The following HIBADH variants were observed in gnomAD, a reference collection of about 807,000 sequenced individuals.
HIBADH encodes the protein 3-hydroxyisobutyrate dehydrogenase.
HIBADH carries 25 observed loss-of-function variants against 36.1 expected under a neutral mutation model. That is an observed-to-expected ratio of 0.69 (90% confidence interval 0.50 to 0.97). HIBADH has a LOEUF of 0.97. Among genes scored for constraint, HIBADH ranks in the 50% least tolerant of loss-of-function variants. The pLI is 0.00. For synonymous variants in HIBADH, 160 were observed against 149.5 expected (o/e 1.07, Z -0.51); for missense variants, 421 against 418.0 (o/e 1.01, Z -0.06).
chr7:27,572,049 G>A (rs1784635825), intron 4 of HIBADH, among the ~76,000 whole-genome samples: 1 of 152,046 alleles, frequency 6.6e-6, no homozygotes, highest in Non-Finnish European at 1.5e-5. Flanking sequence ...GGCTTTGTTG[G>A]GGCCTAAGGG....
chr7:27,638,293 G>A (rs1425350678), intron 2 of HIBADH, among the ~76,000 whole-genome samples: 2 of 77,166 alleles, frequency 2.6e-5, no homozygotes, highest in South Asian at 4.2e-4. Flanking sequence ...ATACCCATCT[G>A]ATCTTTGGCA....
intron 4 of HIBADH, among the ~76,000 whole-genome samples, chr7:27,600,726 A>C (rs1246569609): frequency 6.6e-6 from 1 of 152,170 alleles, no homozygotes; most frequent in Non-Finnish European, 1.5e-5. Flanking sequence ...ACTACTTCTA[A>C]AACAATCTGG....
intron 2 of HIBADH, among the ~76,000 whole-genome samples, chr7:27,644,121 A>AT (rs1211058690): frequency 2.0e-5 from 3 of 152,148 alleles, no homozygotes; most frequent in Non-Finnish European, 2.9e-5. Context: ...CCCTGTTAAC[A>AT]TATTCACAGA....
intron 4 of HIBADH, among the ~76,000 whole-genome samples, chr7:27,556,470 T>A (rs1312976144): frequency 6.6e-6 from 1 of 152,186 alleles, no homozygotes; most frequent in African/African-American, 2.4e-5. Context: ...TTTTTTATTA[T>A]TTGTCTTGCT....
chr7:27,527,147 G>A (rs1783915001), intron 7 of HIBADH, among the ~76,000 whole-genome samples: 1 of 152,086 alleles, frequency 6.6e-6, no homozygotes, highest in Admixed American at 6.6e-5. Flanking sequence ...AAAGCAAGGA[G>A]AGGGGGATGG....
intron 7 of HIBADH, among the ~76,000 whole-genome samples, chr7:27,528,714 C>G (rs1783949294): frequency 6.6e-6 from 1 of 152,228 alleles, no homozygotes; most frequent in African/African-American, 2.4e-5. Flanking sequence ...GAAGCAGCAA[C>G]TGCTGATGGA....
rs111429799 is a variant in HIBADH, at chr7:27,656,605, T to C, written c.91+6093A>G. On this transcript the variant is annotated intron_variant, in intron 1 of 7. Coordinates refer to ENST00000265395, the MANE Select transcript of HIBADH (RefSeq NM_152740.4). Reference sequence around the variant, plus strand: ...GATACATATGCATTAATTTTTCTGATTTTCTGTATGGATACACACGAAACA... The same window carrying C: ...GATACATATGCATTAATTTTTCTGACTTTCTGTATGGATACACACGAAACA... Among the ~76,000 whole-genome samples, 1,228 of 152,284 alleles carry C rather than the reference T, an allele frequency of 8.1e-3. 15 individuals are homozygous for C. The highest frequency in any genetic ancestry group is 0.028 in the African/African-American group (1,160 of 41,554).
At chr7:27,645,368 A>AGGT (rs1554300960) in intron 2 of HIBADH, among the ~76,000 whole-genome samples, 1 of 59,650 alleles carries the variant, frequency 1.7e-5, no homozygotes, top group African/African-American at 6.3e-5. Flanking sequence ...CATGGTTTTG[A>AGGT]TTTTTTTTTT....
chr7:27,538,716 G>T (rs1237445445), intron 5 of HIBADH, among the ~76,000 whole-genome samples: 1 of 152,078 alleles, frequency 6.6e-6, no homozygotes, highest in Non-Finnish European at 1.5e-5. Context: ...TTAAGGGATG[G>T]AACTTACAAT....
chr7:27,585,051 T>C (rs1784838539), intron 4 of HIBADH, among the ~76,000 whole-genome samples: 1 of 152,084 alleles, frequency 6.6e-6, no homozygotes, highest in South Asian at 2.1e-4. Context: ...GTGGAATTAC[T>C]TGGTAAATTA....
chr7:27,535,794 C>A (rs1784063149), intron 6 of HIBADH, among the ~76,000 whole-genome samples: 1 of 151,550 alleles, frequency 6.6e-6, no homozygotes, highest in Non-Finnish European at 1.5e-5. Context: ...TTGCTAACAT[C>A]CATAAAGACT....
At chr7:27,630,749 G>A (rs1382971023) in intron 3 of HIBADH, among the ~76,000 whole-genome samples, 4 of 151,896 alleles carry the variant, frequency 2.6e-5, no homozygotes, top group African/African-American at 9.6e-5. Context: ...AAAAAGAAAA[G>A]AAAAATATAC....
At chr7:27,645,086 A>G (rs1404397070) in intron 2 of HIBADH, among the ~76,000 whole-genome samples, 1 of 152,128 alleles carries the variant, frequency 6.6e-6, no homozygotes, top group Admixed American at 6.5e-5. Flanking sequence ...CGTTGTTTCC[A>G]CTTTTTCGTG....
intron 4 of HIBADH, among the ~76,000 whole-genome samples, chr7:27,607,586 C>T (rs1166836710): frequency 1.3e-5 from 2 of 152,148 alleles, no homozygotes; most frequent in Admixed American, 6.5e-5. Flanking sequence ...TTATTCCTTT[C>T]TCAAAATTAT....
At chr7:27,554,308 A>G (rs1201272381) in intron 4 of HIBADH, among the ~76,000 whole-genome samples, 1 of 152,212 alleles carries the variant, frequency 6.6e-6, no homozygotes, top group Non-Finnish European at 1.5e-5. Context: ...TAAAAGCCAA[A>G]TAAGAGGAAA....
chr7:27,591,174 T>C (rs1173072219), intron 4 of HIBADH, among the ~76,000 whole-genome samples: 4 of 152,214 alleles, frequency 2.6e-5, no homozygotes, highest in Non-Finnish European at 4.4e-5. Context: ...AAAAATACTC[T>C]ACGAATCTCA....
At position 27,653,444 on chromosome 7, in the gene HIBADH, T is replaced by TA. The variant is rs201531978; in HGVS notation, c.92-3812dup. ...AAGATGTCCAACAGACTATTAGAAA[T>TA]ACCATGACCGGCCGGGCGTGGTGGC... is the stretch of plus-strand genomic sequence containing the variant. On this transcript the variant is annotated intron_variant, in intron 1 of 7. Transcript: ENST00000265395. Among the ~76,000 whole-genome samples, 387 of 152,114 alleles carry TA rather than the reference T, an allele frequency of 2.5e-3. 5 individuals carry two copies. Among genetic ancestry groups the TA allele is most frequent in the East Asian group, 0.025 (130 of 5,138 alleles).
intron 4 of HIBADH, among the ~76,000 whole-genome samples, chr7:27,574,481 C>G (rs976858404): frequency 6.6e-6 from 1 of 152,022 alleles, no homozygotes; most frequent in Non-Finnish European, 1.5e-5. Flanking sequence ...AAGGAAAGTA[C>G]ATTCCAAACT....
chr7:27,541,327 T>A (rs1477604432), intron 5 of HIBADH, among the ~76,000 whole-genome samples: 1 of 152,180 alleles, frequency 6.6e-6, no homozygotes, highest in Non-Finnish European at 1.5e-5. Flanking sequence ...TATCAAACCA[T>A]CCTTTGCTGG....
Sources: gnomAD v4.1 joint callset for allele counts (sites outside exome capture counted in the v4.1 genomes callset) on GRCh38, gnomAD v4.1.1 for gene constraint, MANE v1.5 for transcripts, NCBI Gene and HGNC (gene_info 2026-07-23, HGNC 2026-07-21) for gene names.